ERH: variants seen among roughly 807,000 people sequenced by gnomAD.
The protein encoded by ERH is ERH mRNA splicing and mitosis factor, also known as enhancer of rudimentary homolog.
A neutral mutation model predicts 16.8 loss-of-function variants in ERH; 1 was observed. The observed-to-expected ratio is 0.06, with a 90% CI of 0.02 to 0.28. ERH has a LOEUF of 0.28. ERH is among the 10% of genes least tolerant of loss of function. The pLI is 1.00. For missense variants in ERH, 42 were observed against 127.5 expected, an observed-to-expected ratio of 0.33 and a Z score of 3.23; for synonymous variants, 43 against 43.6, an observed-to-expected ratio of 0.99 and a Z score of 0.05.
intron 3 of ERH, among the ~76,000 whole-genome samples, chr14:69,385,823 T>G (rs2045888651): frequency 6.6e-6 from 1 of 152,108 alleles, no homozygotes; most frequent in South Asian, 2.1e-4. Flanking sequence ...AAATTCTCAG[T>G]CCTCACATAT....
chr14:69,388,885 A>G (rs1170970090), intron 2 of ERH, among the ~76,000 whole-genome samples: 1 of 152,214 alleles, frequency 6.6e-6, no homozygotes, highest in East Asian at 1.9e-4. Flanking sequence ...CTATTAAACA[A>G]CTATCTTAGG....
chr14:69,393,358 C>T (rs1006030194), intron 2 of ERH, among the ~76,000 whole-genome samples: 3 of 152,002 alleles, frequency 2.0e-5, no homozygotes, highest in Non-Finnish European at 4.4e-5. Context: ...CATACGTTTA[C>T]GGCAGTACTA....
At chr14:69,386,926 A>G (rs745632194) in intron 3 of ERH, 37 bp downstream of exon 3, 5 of 1,605,510 alleles carry the variant, frequency 3.1e-6, no homozygotes, top group South Asian at 1.1e-5. Context: ...AAAGCAATAG[A>G]AAATACAAGA....
intron 2 of ERH, among the ~76,000 whole-genome samples, chr14:69,388,342 T>G (rs1214303309): frequency 6.6e-6 from 1 of 152,190 alleles, no homozygotes; most frequent in Non-Finnish European, 1.5e-5. Context: ...ATCTATTTAG[T>G]TTTTATTCAA....
chr14:69,380,519 C>G lies in ERH; in HGVS notation c.*19G>C. 1 of 1,355,504 alleles carries G rather than the reference C, an allele frequency of 7.4e-7. No individual in the cohort carries two copies. The highest frequency in any genetic ancestry group is 1.2e-5 in the South Asian group (1 of 85,940). 84.0% of individuals were successfully genotyped at this position (1,355,504 alleles called of 1,614,324 possible). ...TGTGTTCCAAGCCCACCCCAACCCC[C>G]CCAGTGCTTCCAACACAATTATTTC... On this transcript the variant is annotated 3_prime_UTR_variant, in exon 4 of 4. Coordinates refer to ENST00000557016, the MANE Select transcript of ERH (RefSeq NM_004450.3).
At position 69,380,341 on chromosome 14, in the gene ERH, AGAAAG is replaced by A; in HGVS notation, c.*192_*196del. On this transcript the variant is annotated 3_prime_UTR_variant, in exon 4 of 4. Coordinates refer to ENST00000557016, the MANE Select transcript of ERH (RefSeq NM_004450.3). ...AAAATGTTTAAGTAAAAAAAAAAAA[AGAAAG>A]AGAAAGAAAAAGAGGAGGTAACGGG... The A allele has an allele frequency of 4.8e-6, 2 of 418,046 alleles. No homozygotes were observed. Among genetic ancestry groups the A allele is most frequent in the Non-Finnish European group, 8.5e-6 (2 of 235,686 alleles). 25.9% of individuals were successfully genotyped at this position (418,046 alleles called of 1,614,324 possible).
intron 3 of ERH, 24 bp from the exon 4 acceptor site, chr14:69,380,664 A>G (rs749870567): frequency 2.9e-6 from 4 of 1,392,578 alleles, no homozygotes; most frequent in Non-Finnish European, 3.1e-6. Context: ...GGGAATAAGC[A>G]AAGTCACAGT....
chr14:69,395,606 T>C (rs945540540), intron 1 of ERH, among the ~76,000 whole-genome samples: 1 of 152,138 alleles, frequency 6.6e-6, no homozygotes, highest in African/African-American at 2.4e-5. Context: ...AAAGGGGAAA[T>C]AGTATAATAA....
At position 69,398,235 on chromosome 14, in the gene ERH, G is replaced by A. The variant is rs1351401793; in HGVS notation, c.-2C>T. The A allele has an allele frequency of 6.2e-7, 1 of 1,613,866 alleles. No homozygotes were observed. Among genetic ancestry groups the A allele is most frequent in the East Asian group, 2.2e-5 (1 of 44,884 alleles). On this transcript the variant is annotated 5_prime_UTR_variant, in exon 1 of 4. Coordinates refer to ENST00000557016, the MANE Select transcript of ERH (RefSeq NM_004450.3). ...AGCCGCGGAGGCCTTTCTCACCATC[G>A]CGCCAAACTCTCTTCGCTACAGCAG... is the stretch of plus-strand genomic sequence containing the variant.
intron 1 of ERH, chr14:69,398,029 C>A (rs1882405578): frequency 1.5e-6 from 1 of 675,098 alleles, no homozygotes; most frequent in South Asian, 1.8e-5. Context: ...GGGCGCGCAA[C>A]CGCAGGGCGG....
chr14:69,384,146 T>C lies in ERH; in HGVS notation c.212+2817A>G, dbSNP rs377741413. On this transcript the variant is annotated intron_variant, in intron 3 of 3. Transcript: ENST00000557016. Reference sequence around the variant, plus strand: ...CACCTTTTAAATCTCCCTTGAAATTTATAATTTATCTCACACGTAGACATT... The same window carrying C: ...CACCTTTTAAATCTCCCTTGAAATTCATAATTTATCTCACACGTAGACATT... 4.6e-5 allele frequency among the ~76,000 whole-genome samples: 7 copies of C among 152,372 alleles called. No homozygotes were observed. The East Asian group carries it at 7.7e-4, about 17-fold the overall frequency.
intron 2 of ERH, among the ~76,000 whole-genome samples, chr14:69,392,570 C>T (rs1205790628): frequency 1.3e-5 from 2 of 152,160 alleles, no homozygotes; most frequent in African/African-American, 4.8e-5. Flanking sequence ...TAGGGCAGGG[C>T]AGTGAAACCA....
In ERH at chr14:69,380,658, A is replaced by G. The variant is rs2045857511; in HGVS notation, c.213-18T>C. The G allele has an allele frequency of 5.4e-6, 8 of 1,468,706 alleles. No homozygotes were observed. In the African/African-American group the frequency reaches 8.3e-5, roughly 15 times the overall value. 91.0% of individuals were successfully genotyped at this position (1,468,706 alleles called of 1,614,324 possible). A position where few individuals can be genotyped will look rare whatever the true frequency, so the allele number is the denominator to read the frequency against. ...CTCGGTAACTGAGGAGAGAAAGGGA[A>G]TAAGCAAAGTCACAGTGGTCAATCA... On this transcript the variant is annotated intron_variant, in intron 3 of 3. Coordinates refer to ENST00000557016, the MANE Select transcript of ERH (RefSeq NM_004450.3).
rs546206551 is a variant in ERH at position 69,397,847 on chromosome 14, G to A, written c.3+384C>T. Among the ~76,000 whole-genome samples, 144 of 152,310 alleles carry A rather than the reference G, an allele frequency of 9.5e-4. 1 individual carries two copies. Among genetic ancestry groups the A allele is most frequent in the Non-Finnish European group, 2.2e-4 (15 of 68,016 alleles). On this transcript the variant is annotated intron_variant, in intron 1 of 3. Coordinates refer to ENST00000557016, the MANE Select transcript of ERH (RefSeq NM_004450.3). ...ACAGGAGAATTGCTTCAACCCAGGA[G>A]GCAGAGGTTGCAGGGGTCTGAGATC...
Position 69,387,001 on chromosome 14 carries a change from A to G in ERH, c.174T>C (p.Phe58=). 1 of 1,613,872 alleles carries G rather than the reference A, an allele frequency of 6.2e-7. No homozygotes were observed. Among genetic ancestry groups the G allele is most frequent in the Non-Finnish European group, 8.5e-7 (1 of 1,179,766 alleles). Residue 58 remains phenylalanine, a synonymous_variant, in exon 3 of 4, where the codon TTT becomes TTC. Transcript: ENST00000557016. The stretch of plus-strand genomic sequence containing the variant: ...GGTCTGCCAGATCATCGATGAAATC[A>G]AACAACTGACTGATGTCATATGTGA... ...PSITYDISQL[F]DFIDDLADLS... is the part of the protein sequence containing the mutation.
intron 3 of ERH, 69 bp from the exon 4 acceptor site, chr14:69,380,709 T>C (rs959441592): frequency 1.2e-6 from 1 of 848,064 alleles, no homozygotes; most frequent in African/African-American, 1.7e-5. Context: ...ATCCCCAAAT[T>C]ATAACTGCCC....
intron 3 of ERH, among the ~76,000 whole-genome samples, chr14:69,381,143 T>C (rs1204856137): frequency 6.6e-6 from 1 of 152,282 alleles, no homozygotes; most frequent in East Asian, 1.9e-4. Context: ...TAGCTGGGCA[T>C]GGTGGTGCAC....
chr14:69,395,025 T>C (rs1459061129), intron 1 of ERH, 113 bp from the exon 2 acceptor site: 4 of 757,492 alleles, frequency 5.3e-6, no homozygotes, highest in Non-Finnish European at 8.7e-6. Flanking sequence ...TAAAATGTAA[T>C]TAGAGAGGCC....
At chr14:69,382,789 C>CAAAAAAAAAAAAAAAAAAAAAAAAAAA (rs1278831093) in intron 3 of ERH, among the ~76,000 whole-genome samples, 1 of 103,134 alleles carries the variant, frequency 9.7e-6, no homozygotes, top group African/African-American at 3.7e-5. Context: ...ACTCTATCTC[C>CAAAAAAAAAAAAAAAAAAAAAAAAAAA]AAAAGAAAAA....
Sources: gnomAD v4.1 joint callset for allele counts (sites outside exome capture counted in the v4.1 genomes callset) on GRCh38, gnomAD v4.1.1 for gene constraint, MANE v1.5 for transcripts, NCBI Gene and HGNC (gene_info 2026-07-23, HGNC 2026-07-21) for gene names.